The following SLC25A16 variants were observed in gnomAD, a reference collection of about 807,000 sequenced individuals.
SLC25A16 encodes the protein solute carrier family 25 member 16.
A neutral mutation model predicts 41.5 loss-of-function variants in SLC25A16; 39 were observed. That is an observed-to-expected ratio of 0.94 (90% CI 0.73 to 1.23). The LOEUF is 1.23. Among genes scored for constraint, SLC25A16 ranks in the 50% most tolerant of loss-of-function variants. The pLI is 0.00. For synonymous variants in SLC25A16, 146 were observed against 147.8 expected (o/e 0.99, Z 0.09); for missense variants, 421 against 426.9 (o/e 0.99, Z 0.12).
At chr10:68,525,129 T>G (rs774693438) in intron 1 of SLC25A16, among the ~76,000 whole-genome samples, 3 of 151,776 alleles carry the variant, frequency 2.0e-5, no homozygotes, top group Non-Finnish European at 2.9e-5. Flanking sequence ...TAATGTGAGG[T>G]TTTTTTTGTT....
chr10:68,522,134 G>C (rs1485425119), intron 1 of SLC25A16, among the ~76,000 whole-genome samples: 1 of 151,018 alleles, frequency 6.6e-6, no homozygotes, highest in Non-Finnish European at 1.5e-5. Context: ...CTGCACTCCA[G>C]CCTGGACAAC....
chr10:68,504,380 C>G (rs542015600), intron 3 of SLC25A16, among the ~76,000 whole-genome samples: 2 of 151,286 alleles, frequency 1.3e-5, no homozygotes, highest in East Asian at 3.9e-4. Context: ...CAAATGGCAT[C>G]AATTCTCTTT....
intron 4 of SLC25A16, among the ~76,000 whole-genome samples, chr10:68,494,142 T>C (rs2052708226): frequency 6.6e-6 from 1 of 152,184 alleles, no homozygotes; most frequent in South Asian, 2.1e-4. Flanking sequence ...CCTTTTCCCA[T>C]GTTCCGAGTT....
chr10:68,483,464 C>T lies in SLC25A16; in HGVS notation c.967G>A (p.Glu323Lys), dbSNP rs747313620. The change falls in exon 9 of 9, where the codon GAA becomes AAA. Residue 323 changes from glutamate to lysine, a missense_variant. Glu to Lys is a moderately conservative substitution (Grantham distance 56). Transcript: ENST00000609923. ...AGGTGAAAAAACTGCTTCATAAGTTCGTATGTTGTAAAAGCCACTGCTTGA... is the reference window on the plus strand; with the variant it reads ...AGGTGAAAAAACTGCTTCATAAGTTTGTATGTTGTAAAAGCCACTGCTTGA... ...PSQAVAFTTY[E>K]LMKQFFHLN 2.5e-6 allele frequency: 4 copies of T among 1,603,776 alleles called. No homozygotes were observed. Among genetic ancestry groups the T allele is most frequent in the East Asian group, 2.2e-5 (1 of 44,714 alleles).
At chr10:68,515,048 A>ATTT (rs539523643) in intron 2 of SLC25A16, among the ~76,000 whole-genome samples, 6 of 140,968 alleles carry the variant, frequency 4.3e-5, no homozygotes, top group African/African-American at 1.3e-4. Context: ...TAAAGTCTTG[A>ATTT]TTTTTTTTTT....
At chr10:68,522,970 C>T (rs1167424303) in intron 1 of SLC25A16, among the ~76,000 whole-genome samples, 1 of 151,644 alleles carries the variant, frequency 6.6e-6, no homozygotes, top group Admixed American at 6.6e-5. Flanking sequence ...GGCAACAAAG[C>T]GAGAATGTCT....
At chr10:68,520,034 T>A (rs2053224979) in intron 1 of SLC25A16, among the ~76,000 whole-genome samples, 1 of 149,386 alleles carries the variant, frequency 6.7e-6, no homozygotes, top group African/African-American at 2.5e-5. Flanking sequence ...CACTACAACC[T>A]TCACCTCCCA....
Position 68,488,555 on chromosome 10 carries a change from A to ATG in SLC25A16, c.684_685insCA (p.Ser229HisfsTer9). 1.2e-6 allele frequency: 2 copies of ATG among 1,603,050 alleles called. No homozygotes were observed. Among genetic ancestry groups the ATG allele is most frequent in the Non-Finnish European group, 1.7e-6 (2 of 1,177,550 alleles). On this transcript the variant is annotated frameshift_variant, in exon 7 of 9. Transcript: ENST00000609923. LOFTEE classifies it high-confidence loss of function. ...ACTAAGACATTAGGATTGTCTGATGAAGGTCTGCCAAGAAGGGTAGGAGCA... is the reference window on the plus strand; with the variant it reads ...ACTAAGACATTAGGATTGTCTGATGATGAGGTCTGCCAAGAAGGGTAGGAGCA...
At chr10:68,508,308 A>T (rs989502122) in intron 2 of SLC25A16, among the ~76,000 whole-genome samples, 2 of 151,858 alleles carry the variant, frequency 1.3e-5, no homozygotes, top group African/African-American at 4.8e-5. Context: ...ATGTATGACT[A>T]TAATAACAGA....
chr10:68,502,024 C>G (rs1318075228), intron 4 of SLC25A16, among the ~76,000 whole-genome samples: 1 of 151,942 alleles, frequency 6.6e-6, no homozygotes, highest in Non-Finnish European at 1.5e-5. Context: ...TGGCAATACC[C>G]CATTTCTACT....
At chr10:68,521,114 C>A (rs2053243229) in intron 1 of SLC25A16, among the ~76,000 whole-genome samples, 1 of 148,474 alleles carries the variant, frequency 6.7e-6, no homozygotes, top group African/African-American at 2.5e-5. Flanking sequence ...AGCCTGGTGA[C>A]AAAGTGAGAC....
At chr10:68,504,921 A>G (rs951053883) in intron 3 of SLC25A16, among the ~76,000 whole-genome samples, 2 of 148,478 alleles carry the variant, frequency 1.3e-5, no homozygotes, top group Admixed American at 6.7e-5. Context: ...CTCAGCTGAT[A>G]CTCCCACCTC....
In SLC25A16 at chr10:68,483,614, C is replaced by T. The variant is rs747555351; in HGVS notation, c.843-26G>A. ...CTGAAAGACAATGATTAAATGATGA[C>T]CTCTATGCCCACTCATGAAGAAACA... is the stretch of plus-strand genomic sequence containing the variant. On this transcript the variant is annotated intron_variant, in intron 8 of 8. Transcript: ENST00000609923. 2.6e-6 allele frequency: 4 copies of T among 1,525,294 alleles called. No individual in the cohort carries two copies. The East Asian group carries it at 7.0e-5, about 27-fold the overall frequency. 94.5% of individuals were successfully genotyped at this position (1,525,294 alleles called of 1,614,324 possible).
At position 68,483,284 on chromosome 10, in the gene SLC25A16, T is replaced by G. The variant is rs779292837; in HGVS notation, c.*148A>C. The G allele has an allele frequency of 3.5e-6, 2 of 571,954 alleles. No homozygotes were observed. The highest frequency in any genetic ancestry group is 6.1e-6 in the Non-Finnish European group (2 of 330,172). The allele number at this position is 571,954 out of a possible 1,614,324, so 35.4% of individuals were successfully genotyped here. A position where few individuals can be genotyped will look rare whatever the true frequency, so the allele number is the denominator to read the frequency against. ...ATGGTAAGCAGTTCTGATTTGTGAC[T>G]AAAGAAAAAATAATCAAGTACTAAA... On this transcript the variant is annotated 3_prime_UTR_variant, in exon 9 of 9. Coordinates refer to ENST00000609923, the MANE Select transcript of SLC25A16 (RefSeq NM_152707.4).
chr10:68,524,093 G>T (rs893387168), intron 1 of SLC25A16, among the ~76,000 whole-genome samples: 30 of 151,798 alleles, frequency 2.0e-4, no homozygotes, highest in South Asian at 6.2e-4. Flanking sequence ...GGCGGATCAC[G>T]AGGTCAGGAG....
At chr10:68,522,055 C>T (rs1026122640) in intron 1 of SLC25A16, among the ~76,000 whole-genome samples, 1 of 151,440 alleles carries the variant, frequency 6.6e-6, no homozygotes, top group African/African-American at 2.4e-5. Flanking sequence ...CCCAGCTAAT[C>T]GGGAGGTTGA....
intron 8 of SLC25A16, among the ~76,000 whole-genome samples, chr10:68,484,590 T>G (rs545738702): frequency 6.6e-6 from 1 of 151,862 alleles, no homozygotes; most frequent in Non-Finnish European, 1.5e-5. Context: ...CATGCCTCAC[T>G]AAATTTTTTG....
At chr10:68,506,466 T>G in intron 3 of SLC25A16, 119 bp downstream of exon 3, 1 of 671,478 alleles carries the variant, frequency 1.5e-6, no homozygotes, top group Non-Finnish European at 2.1e-6. Flanking sequence ...AAAAAACCAA[T>G]AATTTAACTT....
chr10:68,507,022 C>A (rs1357686019), intron 2 of SLC25A16, among the ~76,000 whole-genome samples: 1 of 146,946 alleles, frequency 6.8e-6, no homozygotes, highest in Non-Finnish European at 1.5e-5. Context: ...AAAATATTAA[C>A]AATAGAAATA....
Sources: allele counts gnomAD v4.1 joint callset (sites outside exome capture counted in the v4.1 genomes callset), GRCh38; gene constraint gnomAD v4.1.1; transcripts MANE v1.5; gene names NCBI Gene and HGNC (gene_info 2026-07-23, HGNC 2026-07-21).